The following POLE variants were observed in gnomAD, a reference collection of about 807,000 sequenced individuals.
POLE encodes DNA polymerase epsilon, catalytic subunit, also known as DNA polymerase epsilon catalytic subunit A.
Under a neutral mutation model 279.2 loss-of-function variants are expected in POLE, and 188 were observed. The observed-to-expected ratio is 0.67, with a 90% confidence interval of 0.60 to 0.76. The LOEUF (loss-of-function observed/expected upper bound fraction) is 0.76, where lower values mean the gene tolerates loss of function less well. Among genes scored for constraint, POLE ranks in the 30% least tolerant of loss-of-function variants. The pLI is 0.00. For synonymous variants in POLE, 1,214 were observed against 1,172.5 expected, an observed-to-expected ratio of 1.04 and a Z score of -0.72; for missense variants, 2,703 against 3,016.7, an observed-to-expected ratio of 0.90 and a Z score of 2.44.
At chr12:132,665,503 T>C (rs2042776856) in intron 20 of POLE, 53 bp from the exon 21 acceptor site, 2 of 1,560,250 alleles carry the variant, frequency 1.3e-6, no homozygotes, top group Non-Finnish European at 1.7e-6. Context: ...TTTCACATTC[T>C]ACAAAGTCAA....
chr12:132,646,034 G>A (rs914847515), intron 32 of POLE, among the ~76,000 whole-genome samples: 1 of 152,168 alleles, frequency 6.6e-6, no homozygotes, highest in African/African-American at 2.4e-5. Context: ...AGTTCAAGGT[G>A]AGCCTGGCCT....
At chr12:132,679,786 G>T in intron 5 of POLE, 135 bp from the exon 6 acceptor site, 1 of 1,079,152 alleles carries the variant, frequency 9.3e-7, no homozygotes, top group Non-Finnish European at 1.4e-6. Flanking sequence ...TCTGCACGTG[G>T]CACCAACTAA....
intron 45 of POLE, 87 bp downstream of exon 45, chr12:132,632,228 T>G: frequency 4.7e-6 from 5 of 1,061,504 alleles, no homozygotes; most frequent in Non-Finnish European, 7.1e-6. Flanking sequence ...GGTGCACGCA[T>G]TACAGCCTCA....
intron 16 of POLE, among the ~76,000 whole-genome samples, chr12:132,671,357 C>T (rs1252763722): frequency 6.7e-6 from 1 of 149,984 alleles, no homozygotes; most frequent in Non-Finnish European, 1.5e-5. Context: ...TGATGTAGTG[C>T]TGCACAGTGC....
At chr12:132,628,806 T>C (rs2041883986) in intron 45 of POLE, among the ~76,000 whole-genome samples, 2 of 152,240 alleles carry the variant, frequency 1.3e-5, no homozygotes, top group South Asian at 4.1e-4. Context: ...TCCCTTGCTG[T>C]TTCCACCACA....
At chr12:132,685,671 G>A (rs1007116674) in intron 1 of POLE, among the ~76,000 whole-genome samples, 3 of 152,198 alleles carry the variant, frequency 2.0e-5, no homozygotes. Context: ...CCTGAAGCAG[G>A]GCAGTCAGTA....
rs932588382 is a variant in POLE at position 132,668,891 on chromosome 12, T to C, written c.1843A>G (p.Ser615Gly). The change falls in exon 17 of 49, where the codon AGC becomes GGC. Residue 615 changes from serine (S) to glycine (G), a missense_variant. Transcript: ENST00000320574. This position sits in a 1 kb window ranked among gnomAD's most constrained non-coding sequence, Gnocchi z 4.0. ...SKLASLKDVP[S>G]RIECPLIYHL... ...TAGATGAGTGGACACTCGATGCGGC[T>C]GGGAACGTCCTTCAGGGAGGCAAGC... 6.2e-7 allele frequency: 1 copy of C among 1,614,150 alleles called. No homozygotes were observed. Among genetic ancestry groups the C allele is most frequent in the Non-Finnish European group, 8.5e-7 (1 of 1,179,994 alleles).
rs5744943 is a variant in POLE at position 132,643,299 on chromosome 12, G to A, written c.4476C>T (p.His1492=). 5.1e-5 allele frequency: 83 copies of A among 1,613,874 alleles called. No individual in the cohort carries two copies. The highest frequency in any genetic ancestry group is 3.3e-4 in the Middle Eastern group (2 of 6,084). Residue 1492 remains histidine (H), a synonymous_variant, in exon 35 of 49, where the codon CAC becomes CAT. Coordinates refer to ENST00000320574, the MANE Select transcript of POLE (RefSeq NM_006231.4). ...CGAAGAGCGCTTTGTGGGCCTGTGC[G>A]TGGTGGTACAGGTAGATATGGCGGA... is the stretch of plus-strand genomic sequence containing the variant. ...GSIRHIYLYH[H]AQAHKALFGI... is the part of the protein sequence containing the mutation.
At chr12:132,629,448 TC>T (rs2041894061) in intron 45 of POLE, among the ~76,000 whole-genome samples, 1 of 152,234 alleles carries the variant, frequency 6.6e-6, no homozygotes, top group South Asian at 2.1e-4. Context: ...TCGCCAATGA[TC>T]CCAGACAGAT....
At position 132,634,695 on chromosome 12, in the gene POLE, G is replaced by A. The variant is rs941140840; in HGVS notation, c.5812-317C>T. On this transcript the variant is annotated intron_variant, in intron 42 of 48. Coordinates refer to ENST00000320574, the MANE Select transcript of POLE (RefSeq NM_006231.4). This position sits in a 1 kb window ranked among gnomAD's most constrained non-coding sequence, Gnocchi z 4.0. Reference sequence around the variant, plus strand: ...ACGAAAGAACCAGCCAGAGCTTCCCGGTGACTGTTCTCTCCTCTGAGTCCA... The same window carrying A: ...ACGAAAGAACCAGCCAGAGCTTCCCAGTGACTGTTCTCTCCTCTGAGTCCA... Among the ~76,000 whole-genome samples the A allele has an allele frequency of 2.6e-5, 4 of 152,054 alleles. No homozygotes were observed. Among genetic ancestry groups the A allele is most frequent in the Admixed American group, 1.3e-4 (2 of 15,268 alleles).
In POLE at chr12:132,642,703, G is replaced by C; in HGVS notation, c.4755C>G (p.Ile1585Met). 6.2e-7 allele frequency: 1 copy of C among 1,613,796 alleles called. No homozygotes were observed. The highest frequency in any genetic ancestry group is 1.1e-5 in the South Asian group (1 of 91,090). Residue 1585 changes from isoleucine to methionine, a missense_variant, in exon 37 of 49, where the codon ATC becomes ATG. Ile to Met is a conservative substitution (Grantham distance 10). Coordinates refer to ENST00000320574, the MANE Select transcript of POLE (RefSeq NM_006231.4). ...TCAGCTCCCAGCTGGACTGAACAGC[G>C]ATGAGTGTGGGCCCCCGGCGCTCCT... ...YKEERRGPTL[I>M]AVQSSWELKR...
chr12:132,687,214 C>G, intron 1 of POLE, 40 bp downstream of exon 1: 1 of 1,386,546 alleles, frequency 7.2e-7, no homozygotes, highest in Non-Finnish European at 9.5e-7. Context: ...TGGCACCCTC[C>G]GGAGGGCCGG....
chr12:132,648,801 T>G, intron 32 of POLE, 128 bp downstream of exon 32: 2 of 1,029,296 alleles, frequency 1.9e-6, no homozygotes, highest in Non-Finnish European at 2.8e-6. Flanking sequence ...ACACACGTTG[T>G]TTTGAGGAAT....
chr12:132,682,036 A>T (rs2043177906), intron 1 of POLE, among the ~76,000 whole-genome samples: 1 of 152,052 alleles, frequency 6.6e-6, no homozygotes, highest in South Asian at 2.1e-4. Context: ...AATACAAAAA[A>T]TTAAATCCCA....
chr12:132,629,780 G>A (rs1249236729), intron 45 of POLE, among the ~76,000 whole-genome samples: 1 of 152,182 alleles, frequency 6.6e-6, no homozygotes, highest in Admixed American at 6.5e-5. Flanking sequence ...TTTCCTTCAA[G>A]AACCTTTCCT....
In POLE at chr12:132,634,519, T is replaced by C; in HGVS notation, c.5812-141A>G. On this transcript the variant is annotated intron_variant, in intron 42 of 48. Coordinates refer to ENST00000320574, the MANE Select transcript of POLE (RefSeq NM_006231.4). This position sits in a 1 kb window ranked among gnomAD's most constrained non-coding sequence, Gnocchi z 4.0. ...CCTTCCTCGCAGTCAAGGCATCCCC[T>C]GGAGCCTGCGTGAATCCCCCAGGGT... 1.2e-6 allele frequency: 1 copy of C among 818,040 alleles called. No homozygotes were observed. Among genetic ancestry groups the C allele is most frequent in the East Asian group, 2.5e-5 (1 of 40,338 alleles). The allele number at this position is 818,040 out of a possible 1,614,324, so 50.7% of individuals were successfully genotyped here.
At chr12:132,655,921 C>T (rs989580195) in intron 29 of POLE, among the ~76,000 whole-genome samples, 9 of 151,858 alleles carry the variant, frequency 5.9e-5, no homozygotes, top group African/African-American at 1.5e-4. Context: ...CAGCACTTTG[C>T]GAGGCCAAGG....
Position 132,634,694 on chromosome 12 carries a change from C to T in POLE, c.5812-316G>A, listed in dbSNP as rs368080075. Among the ~76,000 whole-genome samples, 142 of 152,296 alleles carry T rather than the reference C, an allele frequency of 9.3e-4. 1 individual carries two copies. Among genetic ancestry groups the T allele is most frequent in the African/African-American group, 3.2e-3 (131 of 41,556 alleles). Reference sequence around the variant, plus strand: ...GACGAAAGAACCAGCCAGAGCTTCCCGGTGACTGTTCTCTCCTCTGAGTCC... The same window carrying T: ...GACGAAAGAACCAGCCAGAGCTTCCTGGTGACTGTTCTCTCCTCTGAGTCC... On this transcript the variant is annotated intron_variant, in intron 42 of 48. Coordinates refer to ENST00000320574, the MANE Select transcript of POLE (RefSeq NM_006231.4). The surrounding 1 kb of genome is among the most constrained non-coding windows in gnomAD (Gnocchi z 4.0).
At chr12:132,631,346 G>C (rs1012313210) in intron 45 of POLE, among the ~76,000 whole-genome samples, 4 of 152,176 alleles carry the variant, frequency 2.6e-5, no homozygotes, top group Non-Finnish European at 5.9e-5. Context: ...TCCTGCTGAT[G>C]ATGATGCAAT....
Sources: allele counts gnomAD v4.1 joint callset (sites outside exome capture counted in the v4.1 genomes callset), GRCh38; gene constraint gnomAD v4.1.1; non-coding constraint Gnocchi (gnomAD v3.1); transcripts MANE v1.5; gene names NCBI Gene and HGNC (gene_info 2026-07-23, HGNC 2026-07-21).